The following E2F3 variants were observed in gnomAD, a reference collection of about 807,000 sequenced individuals.
The protein encoded by E2F3 is E2F transcription factor 3.
In E2F3, 11 loss-of-function variants were observed where a neutral mutation model predicts 44.4. That is an observed-to-expected ratio of 0.25 (90% confidence interval 0.16 to 0.41). The LOEUF is 0.41. E2F3 is among the 10% of genes least tolerant of loss of function. The pLI, the probability that E2F3 is intolerant of heterozygous loss-of-function variation, is 1.00. For missense variants in E2F3, 487 were observed against 583.6 expected, an observed-to-expected ratio of 0.83 and a Z score of 1.70; for synonymous variants, 249 against 253.0, an observed-to-expected ratio of 0.98 and a Z score of 0.15.
intron 1 of E2F3, chr6:20,403,955 C>T (rs1759402953): frequency 1.8e-6 from 1 of 549,056 alleles, no homozygotes; most frequent in South Asian, 2.4e-5. Context: ...GGGTTGGGTG[C>T]TCGAGGGAAA....
intron 1 of E2F3, among the ~76,000 whole-genome samples, chr6:20,478,567 G>A (rs1043824994): frequency 1.1e-4 from 17 of 152,170 alleles, no homozygotes; most frequent in Non-Finnish European, 2.1e-4. Flanking sequence ...CCATCACTTT[G>A]GGAGGCCAAG....
intron 1 of E2F3, among the ~76,000 whole-genome samples, chr6:20,478,688 A>G (rs1762125332): frequency 6.6e-6 from 1 of 152,184 alleles, no homozygotes; most frequent in Non-Finnish European, 1.5e-5. Context: ...GTGCACCTGC[A>G]GTCCCAGCTA....
intron 1 of E2F3, among the ~76,000 whole-genome samples, chr6:20,452,054 T>C (rs946491208): frequency 1.3e-5 from 2 of 152,208 alleles, no homozygotes; most frequent in Non-Finnish European, 2.9e-5. Context: ...ATAAGGAGGA[T>C]GCTAGCCTCA....
At chr6:20,412,193 G>C (rs1239930578) in intron 1 of E2F3, among the ~76,000 whole-genome samples, 1 of 152,132 alleles carries the variant, frequency 6.6e-6, no homozygotes, top group Non-Finnish European at 1.5e-5. Context: ...AGTGCCAGAG[G>C]AACAGGTGAG....
Position 20,415,511 on chromosome 6 carries a change from A to T in E2F3, c.393+12886A>T, listed in dbSNP as rs558243539. ...TAGATGCCATTAGCACCACTAGTTA[A>T]CAACAATCGAAATTATCTTCACACT... On this transcript the variant is annotated intron_variant, in intron 1 of 6. Coordinates refer to ENST00000346618, the MANE Select transcript of E2F3 (RefSeq NM_001949.5). 3.3e-5 allele frequency among the ~76,000 whole-genome samples: 5 copies of T among 152,330 alleles called. No homozygotes were observed. In the East Asian group the frequency reaches 7.7e-4, roughly 24 times the overall value.
intron 1 of E2F3, among the ~76,000 whole-genome samples, chr6:20,462,843 C>CTCTT (rs1310031292): frequency 2.1e-5 from 2 of 95,644 alleles, no homozygotes; most frequent in Non-Finnish European, 4.2e-5. Flanking sequence ...TTGTTTTGTT[C>CTCTT]TCTTTCTCTC....
chr6:20,482,888 C>G lies in E2F3; in HGVS notation c.852C>G (p.Leu284=). ...TGATCCAAAGCTGCACCCTGGACCT[C>G]AAACTGTTAACCGAGGATTCAGAGA... ...DELIQSCTLD[L]KLLTEDSENQ... Residue 284 remains leucine (L), a synonymous_variant, in exon 4 of 7, where the codon CTC becomes CTG. Transcript: ENST00000346618. 1 of 1,613,888 alleles carries G rather than the reference C, an allele frequency of 6.2e-7. No homozygotes were observed. Among genetic ancestry groups the G allele is most frequent in the Non-Finnish European group, 8.5e-7 (1 of 1,179,826 alleles).
rs764741445 is a variant in E2F3, at chr6:20,481,452, G to A, written c.725+27G>A. ...TGAGTAGGAGTCCTCCCCATGCCCCGGCTCTGAGGGGGTCGTTTCAAACTG... is the reference window on the plus strand; with the variant it reads ...TGAGTAGGAGTCCTCCCCATGCCCCAGCTCTGAGGGGGTCGTTTCAAACTG... On this transcript the variant is annotated intron_variant, in intron 3 of 6. Coordinates refer to ENST00000346618, the MANE Select transcript of E2F3 (RefSeq NM_001949.5). The A allele has an allele frequency of 2.0e-5, 32 of 1,601,022 alleles. No individual in the cohort carries two copies. The East Asian group carries it at 5.4e-4, about 27-fold the overall frequency.
chr6:20,470,740 A>G (rs1358957247), intron 1 of E2F3, among the ~76,000 whole-genome samples: 3 of 152,144 alleles, frequency 2.0e-5, no homozygotes, highest in African/African-American at 4.8e-5. Flanking sequence ...TAGCATTCAC[A>G]GTTTGTTAAC....
rs773195816 is a variant in E2F3, at chr6:20,402,728, C to G, written c.393+103C>G. ...GGGCCGCTCGGGGAGAGCACTGGGC[C>G]GAGCATCGTGGGCCTCGGGGGCTGC... On this transcript the variant is annotated intron_variant, in intron 1 of 6. Transcript: ENST00000346618. This position sits in a 1 kb window ranked among gnomAD's most constrained non-coding sequence, Gnocchi z 5.6. The G allele has an allele frequency of 2.6e-5, 33 of 1,254,282 alleles. No individual in the cohort carries two copies. The highest frequency in any genetic ancestry group is 3.1e-5 in the Non-Finnish European group (31 of 1,001,600). The allele number at this position is 1,254,282 out of a possible 1,614,324, so 77.7% of individuals were successfully genotyped here.
intron 1 of E2F3, among the ~76,000 whole-genome samples, chr6:20,429,789 CAAATA>C (rs1438087491): frequency 2.0e-5 from 3 of 151,962 alleles, no homozygotes; most frequent in Admixed American, 6.6e-5. Flanking sequence ...GCAAGTTACA[CAAATA>C]AAATGTGTGC....
At chr6:20,436,922 C>G (rs936094063) in intron 1 of E2F3, among the ~76,000 whole-genome samples, 4 of 152,110 alleles carry the variant, frequency 2.6e-5, no homozygotes, top group African/African-American at 7.2e-5. Context: ...GAGTTTGAAA[C>G]CAGCCTGGGC....
At chr6:20,465,755 C>T (rs1467263507) in intron 1 of E2F3, among the ~76,000 whole-genome samples, 1 of 152,148 alleles carries the variant, frequency 6.6e-6, no homozygotes, top group African/African-American at 2.4e-5. Context: ...CAATCTCATC[C>T]AGGTAGCTGC....
chr6:20,453,627 G>T (rs1473385561), intron 1 of E2F3, among the ~76,000 whole-genome samples: 1 of 152,022 alleles, frequency 6.6e-6, no homozygotes, highest in Admixed American at 6.5e-5. Flanking sequence ...GTCCAGGCTG[G>T]TCTCTAACTC....
At chr6:20,409,170 A>G (rs988779544) in intron 1 of E2F3, among the ~76,000 whole-genome samples, 5 of 152,204 alleles carry the variant, frequency 3.3e-5, no homozygotes, top group African/African-American at 1.2e-4. Flanking sequence ...GGTGTGTAGG[A>G]CACATTTTAG....
intron 1 of E2F3, among the ~76,000 whole-genome samples, chr6:20,422,856 T>C (rs915429836): frequency 1.4e-4 from 21 of 152,318 alleles, no homozygotes; most frequent in African/African-American, 5.1e-4. Context: ...TGATCACGGA[T>C]CACCACAACA....
At chr6:20,469,388 C>T (rs1761816769) in intron 1 of E2F3, among the ~76,000 whole-genome samples, 1 of 152,124 alleles carries the variant, frequency 6.6e-6, no homozygotes, top group Admixed American at 6.5e-5. Context: ...AGGTGACCAC[C>T]AGGAGAAATA....
At chr6:20,478,706 AG>A (rs1340461117) in intron 1 of E2F3, among the ~76,000 whole-genome samples, 2 of 151,958 alleles carry the variant, frequency 1.3e-5, no homozygotes, top group East Asian at 1.9e-4. Context: ...CTACTTGGGG[AG>A]GGCTGAGGCA....
At chr6:20,445,484 G>A (rs1414228711) in intron 1 of E2F3, among the ~76,000 whole-genome samples, 2 of 152,014 alleles carry the variant, frequency 1.3e-5, no homozygotes, top group Non-Finnish European at 2.9e-5. Context: ...GTGAGCCACC[G>A]TGCCCGGCCT....
Sources: gnomAD v4.1 joint callset for allele counts (sites outside exome capture counted in the v4.1 genomes callset) on GRCh38, gnomAD v4.1.1 for gene constraint, Gnocchi (gnomAD v3.1) non-coding constraint, MANE v1.5 for transcripts, NCBI Gene and HGNC (gene_info 2026-07-23, HGNC 2026-07-21) for gene names.